Variants in NEDD9 observed in about 807,000 individuals in gnomAD.
The protein encoded by NEDD9 is neural precursor cell expressed, developmentally down-regulated 9, also known as enhancer of filamentation 1.
NEDD9 carries 26 observed loss-of-function variants against 76.6 expected under a neutral mutation model. That is an observed-to-expected ratio of 0.34 (90% CI 0.25 to 0.47). The LOEUF (loss-of-function observed/expected upper bound fraction) is 0.47. Ranked by LOEUF, NEDD9 falls within the 20% of genes least tolerant of loss-of-function variation. NEDD9 has a pLI of 1.00. For missense variants in NEDD9, 937 were observed against 1,058.5 expected (o/e 0.89, Z 1.59); for synonymous variants, 392 against 414.2 (o/e 0.95, Z 0.65).
chr6:11,315,018 G>T (rs1039199867), intron 2 of NEDD9, among the ~76,000 whole-genome samples: 1 of 152,216 alleles, frequency 6.6e-6, no homozygotes. Context: ...TGTCCTAGGG[G>T]AATGGAGACT....
At chr6:11,319,408 C>G (rs1302438140) in intron 2 of NEDD9, among the ~76,000 whole-genome samples, 1 of 149,596 alleles carries the variant, frequency 6.7e-6, no homozygotes, top group South Asian at 2.1e-4. Flanking sequence ...ACTCATGCAC[C>G]CTCACATACA....
upstream of NEDD9, among the ~76,000 whole-genome samples, chr6:11,234,979 T>C (rs894629637): frequency 1.3e-5 from 2 of 152,180 alleles, no homozygotes; most frequent in African/African-American, 4.8e-5. Flanking sequence ...CCCAAAGTGC[T>C]GGGATTACAG....
At position 11,305,589 on chromosome 6, in the gene NEDD9, A is replaced by C. The variant is rs576324326; in HGVS notation, c.12+403T>G. ...TGAGGAATGGCCGAATGGAAGTTGAATGGTTGAAGGTGACTGGCAAACAGA... is the reference window on the plus strand; with the variant it reads ...TGAGGAATGGCCGAATGGAAGTTGACTGGTTGAAGGTGACTGGCAAACAGA... On this transcript the variant is annotated intron_variant, in intron 3 of 3. Coordinates refer to the NEDD9 transcript ENST00000397378. Among the ~76,000 whole-genome samples, 29 of 152,338 alleles carry C rather than the reference A, an allele frequency of 1.9e-4. 1 individual carries two copies. The South Asian group carries it at 5.4e-3, about 28-fold the overall frequency.
intron 3 of NEDD9, among the ~76,000 whole-genome samples, chr6:11,282,176 T>G (rs988860682): frequency 2.6e-5 from 4 of 152,246 alleles, no homozygotes; most frequent in African/African-American, 9.6e-5. Context: ...GGTGTTCATC[T>G]CCTTTAATTC....
intron 1 of NEDD9, among the ~76,000 whole-genome samples, chr6:11,338,754 T>C (rs913062359): frequency 1.4e-4 from 21 of 151,908 alleles, no homozygotes; most frequent in Non-Finnish European, 2.5e-4. Context: ...AAACCCCATA[T>C]CTACTAAAAA....
intron 1 of NEDD9, among the ~76,000 whole-genome samples, chr6:11,349,418 GGTA>G (rs1461695390): frequency 2.6e-5 from 4 of 152,012 alleles, no homozygotes; most frequent in Non-Finnish European, 5.9e-5. Context: ...TCCATTACTG[GGTA>G]TATACCCAAA....
intron 3 of NEDD9, among the ~76,000 whole-genome samples, chr6:11,239,036 G>A (rs1392333604): frequency 6.6e-6 from 1 of 152,002 alleles, no homozygotes; most frequent in Non-Finnish European, 1.5e-5. Context: ...GTGTGGTGGT[G>A]CATGCCTATA....
chr6:11,208,457 C>G (rs79795291), intron 2 of NEDD9, among the ~76,000 whole-genome samples: 2,185 of 152,276 alleles, frequency 0.014, 91 homozygotes, highest in East Asian at 0.14. Flanking sequence ...CCATGGGATT[C>G]GAGCAGCAGC....
At chr6:11,257,532 A>G (rs1224840456) in intron 3 of NEDD9, among the ~76,000 whole-genome samples, 1 of 152,132 alleles carries the variant, frequency 6.6e-6, no homozygotes, top group Non-Finnish European at 1.5e-5. Flanking sequence ...ATGTGTTCTG[A>G]CTTTGCTTCT....
chr6:11,195,568 G>A (rs1466280495), intron 2 of NEDD9, among the ~76,000 whole-genome samples: 1 of 152,058 alleles, frequency 6.6e-6, no homozygotes, highest in Non-Finnish European at 1.5e-5. Context: ...CATAGCACCT[G>A]CTCATAGTGC....
chr6:11,197,972 A>C (rs761597868), intron 2 of NEDD9, among the ~76,000 whole-genome samples: 2 of 152,148 alleles, frequency 1.3e-5, no homozygotes, highest in Non-Finnish European at 2.9e-5. Context: ...ATGTTTCTGC[A>C]TCTGTGTTCC....
intron 1 of NEDD9, among the ~76,000 whole-genome samples, chr6:11,366,677 C>T (rs1480392673): frequency 1.3e-5 from 2 of 152,174 alleles, no homozygotes; most frequent in Non-Finnish European, 2.9e-5. Context: ...ACACCAACAA[C>T]GTGTGCTGAA....
chr6:11,334,150 T>C (rs1269684460), intron 2 of NEDD9, among the ~76,000 whole-genome samples: 1 of 152,202 alleles, frequency 6.6e-6, no homozygotes, highest in East Asian at 1.9e-4. Flanking sequence ...TAGGGAAATA[T>C]ATAAAGTGGA....
Position 11,185,247 on chromosome 6 carries a change from A to C in NEDD9, c.2420T>G (p.Leu807Arg), listed in dbSNP as rs759255526. The change falls in exon 7 of 7, where the codon CTG becomes CGG. Residue 807 changes from leucine to arginine, a missense_variant. Transcript: ENST00000379446. ...TGTCACTTGGTGCACCATTTCCTGC[A>C]GGGCCGTGGTGCTGGGGTAATGGAG... ...AALHYPSTTALQEMVHQVTDL... is the reference protein window; with the variant it reads ...AALHYPSTTARQEMVHQVTDL... 6 of 1,614,104 alleles carry C rather than the reference A, an allele frequency of 3.7e-6. No homozygotes were observed. The highest frequency in any genetic ancestry group is 1.7e-5 in the Admixed American group (1 of 60,022).
At chr6:11,289,144 T>C (rs2098401879) in intron 3 of NEDD9, among the ~76,000 whole-genome samples, 2 of 152,214 alleles carry the variant, frequency 1.3e-5, no homozygotes, top group South Asian at 4.1e-4. Context: ...GGATACAATA[T>C]TTCTGACTCA....
chr6:11,350,813 C>T (rs1383856628), intron 1 of NEDD9, among the ~76,000 whole-genome samples: 1 of 152,084 alleles, frequency 6.6e-6, no homozygotes, highest in Non-Finnish European at 1.5e-5. Context: ...TGCCCTGATA[C>T]ACATAGCGTA....
intron 3 of NEDD9, among the ~76,000 whole-genome samples, chr6:11,293,549 C>T (rs1760823770): frequency 6.6e-6 from 1 of 152,122 alleles, no homozygotes; most frequent in Admixed American, 6.6e-5. Context: ...CTTTGATATA[C>T]ATATACATTG....
chr6:11,355,140 A>G (rs903721708), intron 1 of NEDD9, among the ~76,000 whole-genome samples: 2 of 152,212 alleles, frequency 1.3e-5, no homozygotes, highest in African/African-American at 4.8e-5. Flanking sequence ...GAGAAAATGC[A>G]TATGGTATGG....
intron 3 of NEDD9, among the ~76,000 whole-genome samples, chr6:11,260,869 T>C (rs1760095756): frequency 6.6e-6 from 1 of 151,168 alleles, no homozygotes; most frequent in South Asian, 2.1e-4. Flanking sequence ...TGTGTGAGCA[T>C]GTATGTGTGA....
Sources: gnomAD v4.1 joint callset for allele counts (sites outside exome capture counted in the v4.1 genomes callset) on GRCh38, gnomAD v4.1.1 for gene constraint, MANE v1.5 for transcripts, NCBI Gene and HGNC (gene_info 2026-07-23, HGNC 2026-07-21) for gene names.